Variants in PARPBP observed in about 807,000 individuals in gnomAD.
PARPBP encodes PCNA-interacting partner.
A neutral mutation model predicts 50.0 loss-of-function variants in PARPBP; 52 were observed. That is an observed-to-expected ratio of 1.04 (90% CI 0.83 to 1.31). PARPBP has a LOEUF of 1.31. PARPBP is among the 50% of genes most tolerant of loss of function. PARPBP has a pLI of 0.00. For missense variants in PARPBP, 697 were observed against 672.0 expected, an observed-to-expected ratio of 1.04 and a Z score of -0.41; for synonymous variants, 244 against 232.1, an observed-to-expected ratio of 1.05 and a Z score of -0.47.
At chr12:102,150,413 C>T (rs1886034531) in intron 3 of PARPBP, 3 of 336,778 alleles carry the variant, frequency 8.9e-6, no homozygotes, top group Non-Finnish European at 1.7e-5. Context: ...ATGTCATGAT[C>T]CTGAATTTTC....
chr12:102,162,495 A>T (rs1887701470), intron 4 of PARPBP, among the ~76,000 whole-genome samples: 1 of 152,174 alleles, frequency 6.6e-6, no homozygotes, highest in African/African-American at 2.4e-5. Flanking sequence ...GTAGTTGAGA[A>T]GGCAAAAATA....
At chr12:102,147,279 T>TGC (rs1885503429) in intron 2 of PARPBP, among the ~76,000 whole-genome samples, 1 of 152,158 alleles carries the variant, frequency 6.6e-6, no homozygotes, top group Non-Finnish European at 1.5e-5. Flanking sequence ...ATGTTTATTC[T>TGC]GGCACTATTC....
At chr12:102,139,663 A>C (rs953861503) in intron 2 of PARPBP, among the ~76,000 whole-genome samples, 1 of 152,148 alleles carries the variant, frequency 6.6e-6, no homozygotes, top group Non-Finnish European at 1.5e-5. Context: ...TCCCATCAGT[A>C]CCTAGTTTAT....
chr12:102,155,088 C>T, intron 4 of PARPBP: 2 of 249,414 alleles, frequency 8.0e-6, no homozygotes, highest in Non-Finnish European at 1.6e-5. Flanking sequence ...TCAAGGTGTC[C>T]CACCTTTCCA....
In PARPBP at chr12:102,133,386, G is replaced by T. The variant is rs143237465; in HGVS notation, c.153+9345G>T. On this transcript the variant is annotated intron_variant, in intron 2 of 10. Coordinates refer to ENST00000327680, the MANE Select transcript of PARPBP (RefSeq NM_017915.5). ...TTAATTTTGTCAGATGTTTTTTTCT[G>T]TGTCTTTAGAGATGATCATAGTGTT... Among the ~76,000 whole-genome samples, 22 of 151,786 alleles carry T rather than the reference G, an allele frequency of 1.4e-4. No individual in the cohort carries two copies. The South Asian group carries it at 2.9e-3, about 20-fold the overall frequency.
intron 8 of PARPBP, among the ~76,000 whole-genome samples, 162 bp from the exon 9 acceptor site, chr12:102,182,387 A>G (rs1889909034): frequency 6.6e-6 from 1 of 152,168 alleles, no homozygotes; most frequent in Non-Finnish European, 1.5e-5. Context: ...TTTTTGACTT[A>G]ATGGTATTTT....
At chr12:102,180,674 T>C (rs1263407038) in intron 8 of PARPBP, among the ~76,000 whole-genome samples, 2 of 152,174 alleles carry the variant, frequency 1.3e-5, no homozygotes, top group African/African-American at 2.4e-5. Flanking sequence ...TGAGCTATGA[T>C]TGCACCACTG....
At chr12:102,132,197 C>T (rs566948717) in intron 2 of PARPBP, among the ~76,000 whole-genome samples, 9 of 148,324 alleles carry the variant, frequency 6.1e-5, no homozygotes, top group South Asian at 2.1e-4. Flanking sequence ...AGCGACAGAG[C>T]GAGACCCTGT....
chr12:102,178,738 T>G lies in PARPBP; in HGVS notation c.1152T>G (p.His384Gln), dbSNP rs1889541542. The G allele has an allele frequency of 6.2e-7, 1 of 1,612,422 alleles. No homozygotes were observed. Among genetic ancestry groups the G allele is most frequent in the Non-Finnish European group, 8.5e-7 (1 of 1,179,128 alleles). Residue 384 changes from histidine (H) to glutamine (Q), a missense_variant, in exon 8 of 11, where the codon CAT becomes CAG. Transcript: ENST00000327680. ...TATATGATGAGGAAAACACAATCCA[T>G]CATCATGGAACGTCTATTCTTACAC... ...ELLYDEENTIHHHGTSILTLF... is the reference protein window; with the variant it reads ...ELLYDEENTIQHHGTSILTLF...
chr12:102,185,339 T>G (rs905953242), intron 9 of PARPBP, among the ~76,000 whole-genome samples: 4 of 152,222 alleles, frequency 2.6e-5, no homozygotes, highest in African/African-American at 9.6e-5. Context: ...CATTGATTGA[T>G]TTGCATATGT....
chr12:102,190,768 A>G (rs1266447443), intron 9 of PARPBP, among the ~76,000 whole-genome samples: 17 of 152,112 alleles, frequency 1.1e-4, no homozygotes, highest in Non-Finnish European at 5.9e-5. Flanking sequence ...TGGAGTTTAT[A>G]TTTTAGTTGG....
Position 102,196,742 on chromosome 12 carries a change from A to AC in PARPBP, c.*451_*452insC, listed in dbSNP as rs764692903. ...AGTTTAAATTGTTTAAAGGACTATA[A>AC]TTATCACACAAAATTTATTAAGAAA... is the stretch of plus-strand genomic sequence containing the variant. On this transcript the variant is annotated 3_prime_UTR_variant, in exon 11 of 11. Transcript: ENST00000327680. 6.9e-7 allele frequency: 1 copy of AC among 1,440,258 alleles called. No homozygotes were observed. 89.2% of individuals were successfully genotyped at this position (1,440,258 alleles called of 1,614,324 possible). A position where few individuals can be genotyped will look rare whatever the true frequency, so the allele number is the denominator to read the frequency against.
intron 2 of PARPBP, among the ~76,000 whole-genome samples, chr12:102,138,840 G>A (rs1408657918): frequency 4.6e-5 from 7 of 152,164 alleles, no homozygotes; most frequent in African/African-American, 1.4e-4. Flanking sequence ...CTGTTCCATT[G>A]ATCTATATCT....
intron 2 of PARPBP, among the ~76,000 whole-genome samples, chr12:102,139,787 A>G (rs957637934): frequency 5.9e-5 from 9 of 152,142 alleles, no homozygotes; most frequent in Admixed American, 3.9e-4. Context: ...GACTACATTT[A>G]TTGATTTGTG....
At chr12:102,184,129 G>A (rs1345627861) in intron 9 of PARPBP, among the ~76,000 whole-genome samples, 1 of 150,282 alleles carries the variant, frequency 6.7e-6, no homozygotes, top group African/African-American at 2.5e-5. Context: ...AAATATTACC[G>A]GGAAAGGGCT....
intron 2 of PARPBP, among the ~76,000 whole-genome samples, chr12:102,143,156 G>T (rs1333859306): frequency 6.6e-6 from 1 of 152,170 alleles, no homozygotes; most frequent in East Asian, 1.9e-4. Flanking sequence ...GAGCTTCCAG[G>T]CCACTTTGTT....
intron 2 of PARPBP, among the ~76,000 whole-genome samples, chr12:102,135,536 CAAAAAAAAAAAAAA>C (rs34890863): frequency 2.0e-5 from 1 of 50,554 alleles, no homozygotes; most frequent in Non-Finnish European, 4.1e-5. Context: ...ACTCCGTCTC[CAAAAAAAAAAAAAA>C]AAAAAAAAAA....
At chr12:102,193,809 A>G (rs1245537560) in intron 9 of PARPBP, among the ~76,000 whole-genome samples, 1 of 152,074 alleles carries the variant, frequency 6.6e-6, no homozygotes. Flanking sequence ...GAAGCTATTT[A>G]ATAAGTGTTG....
In PARPBP at chr12:102,164,511, T is replaced by A; in HGVS notation, c.569T>A (p.Val190Glu). The change falls in exon 5 of 11, where the codon GTG becomes GAG. Residue 190 changes from valine (V) to glutamate (E), a missense_variant. By Grantham distance (121) the Val-to-Glu change is moderately radical (BLOSUM62 -2). Coordinates refer to ENST00000327680, the MANE Select transcript of PARPBP (RefSeq NM_017915.5). ...LLVNSKNDLA[V>E]AYILNIPDRG... is the part of the protein sequence containing the mutation. ...GTGAATTCAAAGAATGACCTGGCTGTGGCTTATATTCTCAATATTCCTGAT... is the reference window on the plus strand; with the variant it reads ...GTGAATTCAAAGAATGACCTGGCTGAGGCTTATATTCTCAATATTCCTGAT... The A allele has an allele frequency of 6.2e-7, 1 of 1,612,578 alleles. No individual in the cohort carries two copies. Among genetic ancestry groups the A allele is most frequent in the Non-Finnish European group, 8.5e-7 (1 of 1,178,632 alleles).
Sources: gnomAD v4.1 joint callset for allele counts (sites outside exome capture counted in the v4.1 genomes callset) on GRCh38, gnomAD v4.1.1 for gene constraint, MANE v1.5 for transcripts, NCBI Gene and HGNC (gene_info 2026-07-23, HGNC 2026-07-21) for gene names.